ANKRD11: variants seen among roughly 807,000 people sequenced by gnomAD.
ANKRD11 encodes the protein ankyrin repeat domain 11, also known as ankyrin repeat domain-containing protein 11.
In ANKRD11, 17 loss-of-function variants were observed where a neutral mutation model predicts 195.7. The observed-to-expected ratio is 0.09, with a 90% CI of 0.06 to 0.13. The LOEUF (loss-of-function observed/expected upper bound fraction) is 0.13, where lower values mean the gene tolerates loss of function less well. Ranked by LOEUF, ANKRD11 falls within the 10% of genes least tolerant of loss-of-function variation. The pLI is 1.00. For missense variants in ANKRD11, 3,735 were observed against 3,566.1 expected (o/e 1.05, Z -1.21); for synonymous variants, 1,953 against 1,528.1 (o/e 1.28, Z -6.49).
chr16:89,369,397 A>T (rs941013379), intron 2 of ANKRD11, among the ~76,000 whole-genome samples: 1 of 152,214 alleles, frequency 6.6e-6, no homozygotes, highest in African/African-American at 2.4e-5. Flanking sequence ...TGCCACAGGG[A>T]GGGCTGTGCT....
chr16:89,340,180 T>C (rs1345258231), intron 2 of ANKRD11, among the ~76,000 whole-genome samples: 3 of 152,250 alleles, frequency 2.0e-5, no homozygotes, highest in Admixed American at 2.0e-4. Context: ...AACTGTAAAA[T>C]GCTTTGTAAA....
chr16:89,287,950 G>A (rs1439758323), intron 7 of ANKRD11: 3 of 454,372 alleles, frequency 6.6e-6, no homozygotes, highest in African/African-American at 5.9e-5. Context: ...GAAGACATCA[G>A]TGAGACCCGC....
intron 3 of ANKRD11, among the ~76,000 whole-genome samples, chr16:89,309,545 A>T (rs1011833658): frequency 1.3e-5 from 2 of 152,192 alleles, no homozygotes; most frequent in African/African-American, 4.8e-5. Flanking sequence ...TTACACCTCA[A>T]CGAGCTGCGC....
chr16:89,470,304 C>G (rs1229622673), intron 1 of ANKRD11, among the ~76,000 whole-genome samples: 3 of 152,178 alleles, frequency 2.0e-5, no homozygotes, highest in South Asian at 2.1e-4. Flanking sequence ...AGATTCAAAC[C>G]CTTTCTACAA....
At chr16:89,487,760 C>T (rs1224357711) in intron 1 of ANKRD11, among the ~76,000 whole-genome samples, 4 of 151,812 alleles carry the variant, frequency 2.6e-5, no homozygotes, top group Non-Finnish European at 4.4e-5. Flanking sequence ...GGCGACAGAG[C>T]GAGACTCCAA....
intron 1 of ANKRD11, among the ~76,000 whole-genome samples, chr16:89,473,945 C>A (rs1292130746): frequency 6.6e-6 from 1 of 152,192 alleles, no homozygotes; most frequent in African/African-American, 2.4e-5. Flanking sequence ...CATTATGTTA[C>A]GTAAGACTTA....
chr16:89,384,774 C>T (rs774751580), intron 2 of ANKRD11, among the ~76,000 whole-genome samples: 15 of 151,224 alleles, frequency 9.9e-5, no homozygotes, highest in African/African-American at 1.9e-4. Flanking sequence ...TTAGCACCTA[C>T]AGAAAAAGCA....
At position 89,301,527 on chromosome 16, in the gene ANKRD11, G is replaced by A. The variant is rs1006121403; in HGVS notation, c.226+3679C>T. On this transcript the variant is annotated intron_variant, in intron 4 of 12. Transcript: ENST00000301030. ...AGGGCAAGCTGGTCTGAGAGGGCTC[G>A]GTGGGCAGAGCTGTCTTGGGGCCGG... The A allele has an allele frequency of 2.8e-5, 11 of 398,870 alleles. No individual in the cohort carries two copies. The South Asian group carries it at 5.1e-4, about 18-fold the overall frequency. The allele number at this position is 398,870 out of a possible 1,614,324, so 24.7% of individuals were successfully genotyped here. A position where few individuals can be genotyped will look rare whatever the true frequency, so the allele number is the denominator to read the frequency against.
intron 2 of ANKRD11, among the ~76,000 whole-genome samples, chr16:89,320,857 C>A (rs1409375251): frequency 1.3e-5 from 2 of 152,272 alleles, no homozygotes; most frequent in Admixed American, 1.3e-4. Flanking sequence ...AGAGCCCCTG[C>A]AGCCCAGAGG....
At chr16:89,416,452 C>A (rs557490688) in intron 2 of ANKRD11, among the ~76,000 whole-genome samples, 1 of 152,258 alleles carries the variant, frequency 6.6e-6, no homozygotes, top group African/African-American at 2.4e-5. Flanking sequence ...GCATTCGCCA[C>A]CACGTCCGGT....
chr16:89,304,341 C>T (rs1321919941), intron 4 of ANKRD11, among the ~76,000 whole-genome samples: 1 of 151,348 alleles, frequency 6.6e-6, no homozygotes, highest in Non-Finnish European at 1.5e-5. Flanking sequence ...GGCATGCACA[C>T]ACACACGGGC....
Position 89,284,367 on chromosome 16 carries a change from G to C in ANKRD11, c.2175C>G (p.Asn725Lys), listed in dbSNP as rs2034497898. 1 of 1,613,666 alleles carries C rather than the reference G, an allele frequency of 6.2e-7. No individual in the cohort carries two copies. Among genetic ancestry groups the C allele is most frequent in the Non-Finnish European group, 8.5e-7 (1 of 1,179,954 alleles). ...EKSLKRIKDTNKDISRSFREE... is the reference protein window; with the variant it reads ...EKSLKRIKDTKKDISRSFREE... ...CTCGGAAAGACCTGCTGATGTCTTT[G>C]TTTGTGTCTTTGATTCTCTTCAGTG... The change falls in exon 9 of 13, where the codon AAC becomes AAG. Residue 725 changes from asparagine to lysine, a missense_variant. Physicochemically the swap from Asn to Lys is moderately conservative, Grantham distance 94 (BLOSUM62 0). Transcript: ENST00000301030.
intron 3 of ANKRD11, among the ~76,000 whole-genome samples, chr16:89,311,827 T>A (rs1478022580): frequency 6.6e-6 from 1 of 152,132 alleles, no homozygotes; most frequent in Non-Finnish European, 1.5e-5. Context: ...TTCTTGGCTT[T>A]TTCTTTCTTA....
chr16:89,417,260 T>G (rs2042346954), intron 2 of ANKRD11, among the ~76,000 whole-genome samples: 1 of 152,216 alleles, frequency 6.6e-6, no homozygotes, highest in African/African-American at 2.4e-5. Context: ...GAAAGGTTCT[T>G]TCACGTTTGC....
intron 3 of ANKRD11, among the ~76,000 whole-genome samples, chr16:89,310,892 G>A (rs2036573452): frequency 6.6e-6 from 1 of 152,190 alleles, no homozygotes; most frequent in African/African-American, 2.4e-5. Context: ...TTCCTCTTCA[G>A]TCTGACTTTC....
chr16:89,457,331 G>C (rs1380412470), intron 1 of ANKRD11, among the ~76,000 whole-genome samples: 1 of 151,210 alleles, frequency 6.6e-6, no homozygotes, highest in Non-Finnish European at 1.5e-5. Context: ...AGGCGCAGTG[G>C]CTCACGCCTG....
intron 7 of ANKRD11, chr16:89,287,203 T>C (rs1733236102): frequency 6.7e-6 from 6 of 897,600 alleles, no homozygotes; most frequent in Admixed American, 2.8e-5. Flanking sequence ...GGCCCTCCTC[T>C]AAGGCCAGCA....
chr16:89,365,211 A>G (rs567041586), intron 2 of ANKRD11, among the ~76,000 whole-genome samples: 2 of 152,318 alleles, frequency 1.3e-5, no homozygotes, highest in East Asian at 3.9e-4. Context: ...GGCTGGTCAG[A>G]AGGGGAAGTT....
chr16:89,338,936 A>G (rs1327070677), intron 2 of ANKRD11, among the ~76,000 whole-genome samples: 1 of 152,194 alleles, frequency 6.6e-6, no homozygotes, highest in Non-Finnish European at 1.5e-5. Context: ...TGCGTAATTT[A>G]AACCCATAAT....
Sources: allele counts gnomAD v4.1 joint callset (sites outside exome capture counted in the v4.1 genomes callset), GRCh38; gene constraint gnomAD v4.1.1; transcripts MANE v1.5; gene names NCBI Gene and HGNC (gene_info 2026-07-23, HGNC 2026-07-21).